TONSL: variants seen among roughly 807,000 people sequenced by gnomAD.
TONSL encodes the protein tonsoku like, DNA repair protein, also known as tonsoku-like protein.
Under a neutral mutation model 147.1 loss-of-function variants are expected in TONSL, and 112 were observed. That is an observed-to-expected ratio of 0.76 (90% CI 0.65 to 0.89). The LOEUF (loss-of-function observed/expected upper bound fraction) is 0.89, where lower values mean the gene tolerates loss of function less well. TONSL is among the 40% of genes least tolerant of loss of function. The pLI is 0.00. For synonymous variants in TONSL, 868 were observed against 801.5 expected (o/e 1.08, Z -1.40); for missense variants, 1,883 against 1,864.6 (o/e 1.01, Z -0.18).
At chr8:144,438,331 C>T in intron 13 of TONSL, 140 bp downstream of exon 13, 1 of 788,346 alleles carries the variant, frequency 1.3e-6, no homozygotes, top group Non-Finnish European at 2.0e-6. Context: ...TCTAGGACCA[C>T]AGGCAAGTGC....
intron 11 of TONSL, 120 bp downstream of exon 11, chr8:144,439,901 C>T: frequency 3.3e-6 from 2 of 614,234 alleles, no homozygotes; most frequent in East Asian, 5.8e-5. Context: ...ACTGGCCGTC[C>T]TGCCTGCCTG....
Position 144,444,231 on chromosome 8 carries a change from G to A in TONSL, c.70C>T (p.Arg24Cys). Reference protein sequence around the residue: ...KAKAQRAGQRREEAALCHQLG... With the variant: ...KAKAQRAGQRCEEAALCHQLG... ...TGGTGGCACAGCGCGGCCTCTTCGC[G>A]CCGCTGCCCGGCCCTCTGCGCCTTG... The change falls in exon 2 of 26, where the codon CGC becomes TGC. Residue 24 changes from arginine (R) to cysteine (C), a missense_variant. By Grantham distance (180) the Arg-to-Cys change is radical. Coordinates refer to ENST00000409379, the MANE Select transcript of TONSL (RefSeq NM_013432.5). 6.9e-7 allele frequency: 1 copy of A among 1,457,482 alleles called. No homozygotes were observed. The highest frequency in any genetic ancestry group is 2.4e-5 in the Admixed American group (1 of 40,988). 90.3% of individuals were successfully genotyped at this position (1,457,482 alleles called of 1,614,324 possible).
In TONSL at chr8:144,435,881, C is replaced by CG; in HGVS notation, c.2551dup (p.Arg851ProfsTer11). 1 of 1,595,318 alleles carries CG rather than the reference C, an allele frequency of 6.3e-7. No individual in the cohort carries two copies. The highest frequency in any genetic ancestry group is 1.1e-5 in the South Asian group (1 of 90,218). On this transcript the variant is annotated frameshift_variant, in exon 17 of 26. Transcript: ENST00000409379. LOFTEE classifies it high-confidence loss of function. ...GGGCCTGCGGTTGTCTCCAGTGCCCCGGGGGCGGGGCCGGCGGCTGCGGGT... is the reference window on the plus strand; with the variant it reads ...GGGCCTGCGGTTGTCTCCAGTGCCCCGGGGGGCGGGGCCGGCGGCTGCGGGT...
Position 144,434,031 on chromosome 8 carries a change from G to A in TONSL, c.3334C>T (p.Pro1112Ser). ...LLDLSSNHLG[P>S]EGLRQLAMGL... The stretch of plus-strand genomic sequence containing the variant: ...ATGGCAAGCTGGCGCAGGCCTTCGG[G>A]ACCCAGGTGATTGGAGGAGAGGTCA... The change falls in exon 21 of 26, where the codon CCC (proline) becomes TCC (serine). Residue 1112 changes from proline (P) to serine (S), a missense_variant. Pro to Ser is a moderately conservative substitution (Grantham distance 74). Transcript: ENST00000409379. 2 of 1,609,002 alleles carry A rather than the reference G, an allele frequency of 1.2e-6. No individual in the cohort carries two copies. Among genetic ancestry groups the A allele is most frequent in the East Asian group, 2.2e-5 (1 of 44,776 alleles).
chr8:144,435,110 G>A lies in TONSL; in HGVS notation c.2913C>T (p.Thr971=), dbSNP rs1271427798. The change falls in exon 19 of 26, where the codon ACC becomes ACT. Residue 971 remains threonine (T), a synonymous_variant. Coordinates refer to ENST00000409379, the MANE Select transcript of TONSL (RefSeq NM_013432.5). ...GGGTGAGCCTGGGCAGCAGCCCGCA[G>A]GTCTGGTAGTAGCGCTGGGCCGCCT... ...AEQAAQRYYQ[T]CGLLPRLTLR... 1 of 1,598,428 alleles carries A rather than the reference G, an allele frequency of 6.3e-7. No homozygotes were observed. The highest frequency in any genetic ancestry group is 1.1e-5 in the South Asian group (1 of 89,164).
intron 9 of TONSL, 93 bp downstream of exon 9, chr8:144,440,625 G>C: frequency 6.5e-7 from 1 of 1,538,668 alleles, no homozygotes; most frequent in Non-Finnish European, 8.8e-7. Flanking sequence ...TGCCCGTCCA[G>C]TAAGGACACC....
Position 144,440,726 on chromosome 8 carries a change from C to T in TONSL, c.1156G>A (p.Val386Met), listed in dbSNP as rs151056734. The change falls in exon 9 of 26, where the codon GTG becomes ATG. Residue 386 changes from valine (V) to methionine (M), a missense_variant. Coordinates refer to ENST00000409379, the MANE Select transcript of TONSL (RefSeq NM_013432.5). ...GGGAGCAAGGGTTTCACCTCCAGCA[C>T]GTTGCCGCTGCGCAGCCTCAGTTCC... ...EEELRLRSGN[V>M]LEEAKTWLNI... The T allele has an allele frequency of 1.4e-4, 222 of 1,612,262 alleles. 1 individual carries two copies. In the African/African-American group the frequency reaches 2.1e-3, roughly 15 times the overall value.
chr8:144,439,256 C>A (rs988331387), intron 11 of TONSL, among the ~76,000 whole-genome samples: 6 of 152,178 alleles, frequency 3.9e-5, no homozygotes, highest in African/African-American at 1.4e-4. Flanking sequence ...TCACCACGCC[C>A]TTCACACCCT....
In TONSL at chr8:144,436,155, G is replaced by A. The variant is rs367667140; in HGVS notation, c.2278C>T (p.Pro760Ser). Residue 760 changes from proline to serine, a missense_variant, in exon 17 of 26, where the codon CCT becomes TCT. Transcript: ENST00000409379. ...AGPARPSQKR[P>S]RCSATAQRVA... ...CGTTGTGCTGTGGCCGAGCACCGAG[G>A]CCTCTTCTGGGACGGCCGTGCGGGG... 116 of 1,572,742 alleles carry A rather than the reference G, an allele frequency of 7.4e-5. No homozygotes were observed. The African/African-American group carries it at 1.4e-3, about 19-fold the overall frequency.
At chr8:144,443,768 G>T in intron 3 of TONSL, 114 bp downstream of exon 3, 1 of 1,416,234 alleles carries the variant, frequency 7.1e-7, no homozygotes, top group Non-Finnish European at 9.5e-7. Flanking sequence ...GGCTGCGTCA[G>T]GTCAGGTGTC....
At chr8:144,434,550 C>A (rs541484597) in intron 20 of TONSL, among the ~76,000 whole-genome samples, 1 of 152,302 alleles carries the variant, frequency 6.6e-6, no homozygotes, top group South Asian at 2.1e-4. Context: ...GCTCCCAGCC[C>A]ATGCCAGGCC....
chr8:144,441,464 C>T, intron 7 of TONSL: 1 of 231,462 alleles, frequency 4.3e-6, no homozygotes, highest in Non-Finnish European at 8.6e-6. Flanking sequence ...TGGTGGCGGG[C>T]ACCTGTAGTC....
At chr8:144,433,415 G>T in intron 22 of TONSL, 173 bp downstream of exon 22, 1 of 675,948 alleles carries the variant, frequency 1.5e-6, no homozygotes, top group Non-Finnish European at 2.5e-6. Context: ...TCACTATGTG[G>T]GCCAGGCTTT....
At position 144,428,963 on chromosome 8, in the gene TONSL, G is replaced by C. The variant is rs1823039002; in HGVS notation, c.*180C>G. Reference sequence around the variant, plus strand: ...CACCACCACGCCCGGCTAATTTTTGGTATTTTTAGTAGAGACGGGGTTTCA... The same window carrying C: ...CACCACCACGCCCGGCTAATTTTTGCTATTTTTAGTAGAGACGGGGTTTCA... On this transcript the variant is annotated 3_prime_UTR_variant, in exon 26 of 26. Coordinates refer to ENST00000409379, the MANE Select transcript of TONSL (RefSeq NM_013432.5). 4.6e-6 allele frequency: 3 copies of C among 646,806 alleles called. No homozygotes were observed. Among genetic ancestry groups the C allele is most frequent in the Non-Finnish European group, 7.2e-6 (3 of 419,420 alleles). 40.1% of individuals were successfully genotyped at this position (646,806 alleles called of 1,614,324 possible). A position where few individuals can be genotyped will look rare whatever the true frequency, so the allele number is the denominator to read the frequency against.
intron 23 of TONSL, 86 bp downstream of exon 23, chr8:144,432,199 C>T (rs1823233869): frequency 6.9e-7 from 1 of 1,442,762 alleles, no homozygotes; most frequent in African/African-American, 1.4e-5. Context: ...CAGCCCGAAT[C>T]TGGGGAGAGG....
rs763476673 is a variant in TONSL, at chr8:144,434,792, C to T, written c.3085+19G>A. 1.9e-6 allele frequency: 3 copies of T among 1,611,208 alleles called. No individual in the cohort carries two copies. The highest frequency in any genetic ancestry group is 2.5e-6 in the Non-Finnish European group (3 of 1,178,534). On this transcript the variant is annotated intron_variant, in intron 20 of 25. Coordinates refer to ENST00000409379, the MANE Select transcript of TONSL (RefSeq NM_013432.5). ...CTTGTACGACCTCACCCAGAAACTG[C>T]AGCTCTCCTGGCCCTCACCTTGCCC...
chr8:144,436,477 A>G, intron 16 of TONSL, 59 bp from the exon 17 acceptor site: 1 of 1,560,652 alleles, frequency 6.4e-7, no homozygotes. Flanking sequence ...TCCACCTGTG[A>G]TGGAGCATCT....
rs1359672145 is a variant in TONSL, at chr8:144,436,241, C to T, written c.2192G>A (p.Arg731Gln). The T allele has an allele frequency of 9.1e-6, 14 of 1,544,536 alleles. No individual in the cohort carries two copies. Among genetic ancestry groups the T allele is most frequent in the African/African-American group, 4.1e-5 (3 of 73,810 alleles). ...GQAAPAMARP[R>Q]RSRHGPASSS... ...GCTGGCTGGCCCATGCCTGCTCCTC[C>T]GAGGCCTGGCCATGGCTGGTGCCGC... is the stretch of plus-strand genomic sequence containing the variant. Residue 731 changes from arginine to glutamine, a missense_variant, in exon 17 of 26, where the codon CGG becomes CAG. Transcript: ENST00000409379.
chr8:144,428,997 G>A lies in TONSL; in HGVS notation c.*146C>T, dbSNP rs1823041080. On this transcript the variant is annotated 3_prime_UTR_variant, in exon 26 of 26. Coordinates refer to ENST00000409379, the MANE Select transcript of TONSL (RefSeq NM_013432.5). ...GTAGAGACGGGGTTTCACCATGTTA[G>A]CCAGGATGGTCTCGATCTCCTGACC... The A allele has an allele frequency of 2.2e-6, 2 of 924,432 alleles. No homozygotes were observed. The highest frequency in any genetic ancestry group is 1.7e-5 in the African/African-American group (1 of 57,208). The allele number at this position is 924,432 out of a possible 1,614,324, so 57.3% of individuals were successfully genotyped here.
Sources: allele counts gnomAD v4.1 joint callset (sites outside exome capture counted in the v4.1 genomes callset), GRCh38; gene constraint gnomAD v4.1.1; transcripts MANE v1.5; gene names NCBI Gene and HGNC (gene_info 2026-07-23, HGNC 2026-07-21).